ANKRD11: variants seen among roughly 807,000 people sequenced by gnomAD.
ANKRD11 encodes ankyrin repeat domain-containing protein 11.
In ANKRD11, 17 loss-of-function variants were observed where a neutral mutation model predicts 195.7. That is an observed-to-expected ratio of 0.09 (90% CI 0.06 to 0.13). The LOEUF is 0.13. Ranked by LOEUF, ANKRD11 falls within the 10% of genes least tolerant of loss-of-function variation. The pLI, the probability that ANKRD11 is intolerant of heterozygous loss-of-function variation, is 1.00. For missense variants in ANKRD11, 3,735 were observed against 3,566.1 expected, an observed-to-expected ratio of 1.05 and a Z score of -1.21; for synonymous variants, 1,953 against 1,528.1, an observed-to-expected ratio of 1.28 and a Z score of -6.49.
At chr16:89,350,644 T>C (rs984216986) in intron 2 of ANKRD11, among the ~76,000 whole-genome samples, 2 of 152,174 alleles carry the variant, frequency 1.3e-5, no homozygotes, top group Admixed American at 6.5e-5. Context: ...GGAAATAGGA[T>C]GACATGCTGC....
chr16:89,339,087 G>C (rs1017420893), intron 2 of ANKRD11, among the ~76,000 whole-genome samples: 1 of 152,128 alleles, frequency 6.6e-6, no homozygotes, highest in African/African-American at 2.4e-5. Context: ...GGTAACCGCT[G>C]ATGGGTGAGC....
At chr16:89,449,204 A>AAG (rs2043949251) in intron 1 of ANKRD11, among the ~76,000 whole-genome samples, 8 of 149,532 alleles carry the variant, frequency 5.4e-5, no homozygotes, top group African/African-American at 1.9e-4. Context: ...AAAAAAAAAA[A>AAG]GAAAAATTTG....
At chr16:89,467,832 G>A (rs1242232605) in intron 1 of ANKRD11, among the ~76,000 whole-genome samples, 1 of 151,926 alleles carries the variant, frequency 6.6e-6, no homozygotes, top group Non-Finnish European at 1.5e-5. Context: ...ACAATGTCTC[G>A]CTCTGTTGCC....
chr16:89,452,979 C>G (rs2044151656), intron 1 of ANKRD11, among the ~76,000 whole-genome samples: 1 of 151,924 alleles, frequency 6.6e-6, no homozygotes, highest in South Asian at 2.1e-4. Context: ...AGAGACAGGG[C>G]CTCCTTATGT....
intron 11 of ANKRD11, among the ~76,000 whole-genome samples, chr16:89,273,505 T>C (rs2033363663): frequency 6.6e-6 from 1 of 152,064 alleles, no homozygotes; most frequent in African/African-American, 2.4e-5. Context: ...ATCGAGACCA[T>C]CCTGGACATG....
intron 1 of ANKRD11, among the ~76,000 whole-genome samples, chr16:89,442,611 A>C (rs942695209): frequency 2.0e-5 from 3 of 152,022 alleles, no homozygotes; most frequent in Non-Finnish European, 4.4e-5. Flanking sequence ...CGCATCAAAG[A>C]CTCATTTCCA....
rs575992661 is a variant in ANKRD11, at chr16:89,411,180, G to A, written c.-60+7104C>T. Among the ~76,000 whole-genome samples, 10 of 152,364 alleles carry A rather than the reference G, an allele frequency of 6.6e-5. No individual in the cohort carries two copies. The East Asian group carries it at 7.7e-4, about 12-fold the overall frequency. On this transcript the variant is annotated intron_variant, in intron 2 of 12. Transcript: ENST00000301030. ...GCTGGCTGTCCACACCCAGGGCCAC[G>A]CCTCCATGACGGTGCCCTCCACCAC...
intron 3 of ANKRD11, among the ~76,000 whole-genome samples, chr16:89,311,361 G>C (rs1007977936): frequency 2.6e-5 from 4 of 152,142 alleles, no homozygotes; most frequent in Admixed American, 1.3e-4. Context: ...TTATCCTGTA[G>C]TACCTTTGTC....
At chr16:89,381,354 A>AAAAAAAAGG (rs1555560066) in intron 2 of ANKRD11, among the ~76,000 whole-genome samples, 5 of 125,346 alleles carry the variant, frequency 4.0e-5, no homozygotes, top group African/African-American at 1.6e-4. Context: ...AAAAAAAAAA[A>AAAAAAAAGG]GGGGTGAGAA....
At chr16:89,375,867 A>G (rs1409079676) in intron 2 of ANKRD11, among the ~76,000 whole-genome samples, 1 of 152,128 alleles carries the variant, frequency 6.6e-6, no homozygotes, top group Non-Finnish European at 1.5e-5. Flanking sequence ...AGACCCACAC[A>G]AAGTGCCACT....
At chr16:89,467,796 GTGTTT>G (rs995418082) in intron 1 of ANKRD11, among the ~76,000 whole-genome samples, 2 of 152,044 alleles carry the variant, frequency 1.3e-5, no homozygotes, top group African/African-American at 4.8e-5. Context: ...GCTACCCACA[GTGTTT>G]TGTTTTGTTT....
At position 89,275,131 on chromosome 16, in the gene ANKRD11, C is replaced by A. The variant is rs777571791; in HGVS notation, c.7531G>T (p.Val2511Phe). 2 of 1,612,314 alleles carry A rather than the reference C, an allele frequency of 1.2e-6. No homozygotes were observed. Among genetic ancestry groups the A allele is most frequent in the South Asian group, 2.2e-5 (2 of 90,704 alleles). Residue 2511 changes from valine to phenylalanine, a missense_variant, in exon 10 of 13, where the codon GTC becomes TTC. Transcript: ENST00000301030. ...LKELFRQQEA[V>F]RGKLRLQHSI... ...TGCTGTAGACGCAGCTTTCCCCGGA[C>A]GGCCTCCTGCTGCCTGAACAGCTCC...
At chr16:89,428,386 C>T (rs758066187) in intron 1 of ANKRD11, among the ~76,000 whole-genome samples, 25 of 151,744 alleles carry the variant, frequency 1.6e-4, no homozygotes, top group African/African-American at 5.8e-4. Context: ...ATTAGCCAAG[C>T]GTGGTGGCGG....
chr16:89,324,489 T>A (rs909362779), intron 2 of ANKRD11: 2 of 456,424 alleles, frequency 4.4e-6, no homozygotes, highest in Non-Finnish European at 8.8e-6. Flanking sequence ...GATGTGTAAC[T>A]GTTCCTGGGA....
intron 4 of ANKRD11, among the ~76,000 whole-genome samples, chr16:89,295,709 C>T (rs2035371570): frequency 1.3e-5 from 2 of 152,046 alleles, no homozygotes; most frequent in African/African-American, 4.8e-5. Context: ...ACGGCGGTGG[C>T]ACCTGGCTCT....
intron 4 of ANKRD11, among the ~76,000 whole-genome samples, chr16:89,301,919 G>C (rs1214638491): frequency 6.6e-6 from 1 of 152,174 alleles, no homozygotes; most frequent in Non-Finnish European, 1.5e-5. Flanking sequence ...CTCTGAGGGA[G>C]ACGTGCCAGC....
At chr16:89,300,510 C>T (rs914307376) in intron 4 of ANKRD11, 4 of 230,766 alleles carry the variant, frequency 1.7e-5, no homozygotes, top group African/African-American at 7.0e-5. Flanking sequence ...CGCTCGGGTC[C>T]ACTGCAGCTG....
chr16:89,455,371 C>A (rs1277822108), intron 1 of ANKRD11, among the ~76,000 whole-genome samples: 1 of 152,084 alleles, frequency 6.6e-6, no homozygotes, highest in African/African-American at 2.4e-5. Context: ...GCTATCTCCC[C>A]TTAAGTGCTG....
chr16:89,443,696 C>A (rs2043637195), intron 1 of ANKRD11, among the ~76,000 whole-genome samples: 1 of 152,184 alleles, frequency 6.6e-6, no homozygotes, highest in Admixed American at 6.5e-5. Context: ...AAGAGAAATG[C>A]AATTCTTAAG....
Sources: allele counts gnomAD v4.1 joint callset (sites outside exome capture counted in the v4.1 genomes callset), GRCh38; gene constraint gnomAD v4.1.1; transcripts MANE v1.5; gene names NCBI Gene and HGNC (gene_info 2026-07-23, HGNC 2026-07-21).